The following UGT1A10 variants were observed in gnomAD, a reference collection of about 807,000 sequenced individuals.
The protein encoded by UGT1A10 is UDP-glucuronosyltransferase 1A10.
Under a neutral mutation model 45.8 loss-of-function variants are expected in UGT1A10, and 49 were observed. That is an observed-to-expected ratio of 1.07 (90% CI 0.85 to 1.36). The LOEUF is 1.36. UGT1A10 is among the 40% of genes most tolerant of loss of function. The probability of loss-of-function intolerance (pLI) is 0.00; values close to 1 mark genes in which losing one functional copy is unlikely to be tolerated. For synonymous variants in UGT1A10, 284 were observed against 249.7 expected (o/e 1.14, Z -1.29); for missense variants, 745 against 668.6 (o/e 1.11, Z -1.26).
At chr2:233,743,042 G>GTT in intron 1 of UGT1A10, 1 of 311,812 alleles carries the variant, frequency 3.2e-6, no homozygotes, top group Non-Finnish European at 6.3e-6. Context: ...GGTCCTATCC[G>GTT]TGTAGTCCCA....
intron 1 of UGT1A10, chr2:233,743,004 A>G (rs1469348172): frequency 4.2e-6 from 1 of 237,384 alleles, no homozygotes; most frequent in Admixed American, 5.1e-5. Context: ...GCATACAGAT[A>G]TTTTACAACG....
chr2:233,743,655 C>G (rs367682058), intron 1 of UGT1A10: 8 of 1,367,176 alleles, frequency 5.9e-6, no homozygotes, highest in Non-Finnish European at 7.8e-6. Flanking sequence ...AAGACGTACT[C>G]GAAGGGGTCC....
At chr2:233,700,072 A>C (rs2075542026) in intron 1 of UGT1A10, among the ~76,000 whole-genome samples, 2 of 152,198 alleles carry the variant, frequency 1.3e-5, no homozygotes, top group South Asian at 4.1e-4. Flanking sequence ...GTGTCTACCC[A>C]GCAAGGCCCC....
intron 1 of UGT1A10, chr2:233,682,604 T>A (rs534450007): frequency 1.2e-6 from 2 of 1,613,930 alleles, no homozygotes; most frequent in Non-Finnish European, 1.7e-6. Flanking sequence ...TTGCCCCTAT[T>A]TTTTCAAAAA....
At chr2:233,679,476 C>G (rs1288622624) in intron 1 of UGT1A10, among the ~76,000 whole-genome samples, 1 of 152,198 alleles carries the variant, frequency 6.6e-6, no homozygotes, top group Non-Finnish European at 1.5e-5. Context: ...GTAGAGTTAG[C>G]CTATCCCTTC....
chr2:233,717,725 C>A (rs977761305), intron 1 of UGT1A10: 47 of 455,612 alleles, frequency 1.0e-4, no homozygotes, highest in Non-Finnish European at 1.9e-4. Flanking sequence ...GGGCATGAGA[C>A]CATTGTGAGT....
chr2:233,652,231 C>T (rs1348097384), intron 1 of UGT1A10, among the ~76,000 whole-genome samples: 1 of 152,158 alleles, frequency 6.6e-6, no homozygotes, highest in Non-Finnish European at 1.5e-5. Flanking sequence ...TGTTAATGGG[C>T]AAGTCCAAGG....
In UGT1A10 at chr2:233,772,530, A is replaced by G; in HGVS notation, c.1564A>G (p.Lys522Glu). The change falls in exon 5 of 5, where the codon AAG becomes GAG. Residue 522 changes from lysine (K) to glutamate (E), a missense_variant. By Grantham distance (56) the Lys-to-Glu change is moderately conservative (BLOSUM62 1). Transcript: ENST00000344644. ...ATGCTTGGGGAAAAAAGGGCGAGTT[A>G]AGAAAGCCCACAAATCCAAGACCCA... ...RKCLGKKGRVKKAHKSKTH is the reference protein window; with the variant it reads ...RKCLGKKGRVEKAHKSKTH 6.2e-7 allele frequency: 1 copy of G among 1,614,200 alleles called. No individual in the cohort carries two copies. The highest frequency in any genetic ancestry group is 2.2e-5 in the East Asian group (1 of 44,884).
At chr2:233,768,790 G>C (rs1021832155) in intron 4 of UGT1A10, among the ~76,000 whole-genome samples, 1 of 152,024 alleles carries the variant, frequency 6.6e-6, no homozygotes, top group Admixed American at 6.6e-5. Context: ...CACCATGTTT[G>C]TCAGGCTGGT....
intron 1 of UGT1A10, among the ~76,000 whole-genome samples, chr2:233,678,542 TA>T (rs1410403740): frequency 6.6e-6 from 1 of 152,206 alleles, no homozygotes; most frequent in African/African-American, 2.4e-5. Context: ...TTGATGTATT[TA>T]AAAATGCTTT....
intron 1 of UGT1A10, among the ~76,000 whole-genome samples, chr2:233,658,186 T>C (rs2073896230): frequency 6.6e-6 from 1 of 151,970 alleles, no homozygotes; most frequent in Non-Finnish European, 1.5e-5. Context: ...GCCCAGCTAA[T>C]TTTTGTATTT....
chr2:233,672,209 CT>C (rs781611946), intron 1 of UGT1A10: 10 of 1,614,108 alleles, frequency 6.2e-6, no homozygotes, highest in Non-Finnish European at 8.5e-6. Flanking sequence ...GAGTTCAAGG[CT>C]TTTGCCCATG....
intron 1 of UGT1A10, among the ~76,000 whole-genome samples, chr2:233,674,470 G>A (rs2074286048): frequency 6.6e-6 from 1 of 152,090 alleles, no homozygotes. Context: ...TTGGCTGAGG[G>A]TAAGGCCCTG....
intron 1 of UGT1A10, among the ~76,000 whole-genome samples, chr2:233,669,770 G>A (rs947936191): frequency 1.4e-4 from 21 of 152,076 alleles, no homozygotes; most frequent in African/African-American, 3.9e-4. Flanking sequence ...TGCAACCTCC[G>A]CTTCCCGGGT....
chr2:233,735,285 T>C (rs1453773245), intron 1 of UGT1A10, among the ~76,000 whole-genome samples: 1 of 152,192 alleles, frequency 6.6e-6, no homozygotes, highest in East Asian at 1.9e-4. Flanking sequence ...TCTTTGTCTC[T>C]TTTGATTTTT....
chr2:233,663,275 C>A (rs532535432), intron 1 of UGT1A10, among the ~76,000 whole-genome samples: 5 of 152,210 alleles, frequency 3.3e-5, no homozygotes, highest in Non-Finnish European at 5.9e-5. Flanking sequence ...TGTGGTAGAC[C>A]GGAGTTTTAT....
intron 1 of UGT1A10, among the ~76,000 whole-genome samples, chr2:233,762,541 G>A (rs1437791654): frequency 6.6e-6 from 1 of 152,290 alleles, no homozygotes; most frequent in African/African-American, 2.4e-5. Flanking sequence ...GTGTACCACA[G>A]TGTATTCTGC....
At chr2:233,753,815 C>T (rs973351937) in intron 1 of UGT1A10, among the ~76,000 whole-genome samples, 12 of 152,170 alleles carry the variant, frequency 7.9e-5, no homozygotes, top group Admixed American at 5.2e-4. Context: ...TGGAGAACCA[C>T]GTTAGGGCTG....
intron 1 of UGT1A10, chr2:233,693,924 C>T: frequency 6.2e-7 from 1 of 1,609,314 alleles, no homozygotes; most frequent in East Asian, 2.2e-5. Context: ...TCCTCCCTCA[C>T]TCATTTGGCT....
Sources: allele counts gnomAD v4.1 joint callset (sites outside exome capture counted in the v4.1 genomes callset), GRCh38; gene constraint gnomAD v4.1.1; transcripts MANE v1.5; gene names NCBI Gene and HGNC (gene_info 2026-07-23, HGNC 2026-07-21).